The following TOR1B variants were observed in gnomAD, a reference collection of about 807,000 sequenced individuals.
TOR1B encodes the protein torsin family 1 member B.
Under a neutral mutation model 29.2 loss-of-function variants are expected in TOR1B, and 14 were observed. The observed-to-expected ratio is 0.48, with a 90% CI of 0.32 to 0.75. The LOEUF is 0.75. Ranked by LOEUF, TOR1B falls within the 30% of genes least tolerant of loss-of-function variation. The pLI is 0.04. For missense variants in TOR1B, 400 were observed against 433.9 expected (o/e 0.92, Z 0.69); for synonymous variants, 166 against 179.8 (o/e 0.92, Z 0.62).
chr9:129,808,994 A>G lies in TOR1B; in HGVS notation c.731A>G (p.Glu244Gly), dbSNP rs2030671972. 1 of 1,613,842 alleles carries G rather than the reference A, an allele frequency of 6.2e-7. No individual in the cohort carries two copies. The highest frequency in any genetic ancestry group is 1.3e-5 in the African/African-American group (1 of 74,894). ...GAAGACATTCAGCTGAAGGACCTGG[A>G]ACCTGTACTGTCTGTCGGAGTCTTC... ...KREDIQLKDLEPVLSVGVFNN... is the reference protein window; with the variant it reads ...KREDIQLKDLGPVLSVGVFNN... The change falls in exon 4 of 5, where the codon GAA becomes GGA. Residue 244 changes from glutamate to glycine, a missense_variant. Coordinates refer to ENST00000259339, the MANE Select transcript of TOR1B (RefSeq NM_014506.3).
chr9:129,804,478 A>G (rs1001037507), intron 2 of TOR1B, 140 bp downstream of exon 2: 2 of 1,072,302 alleles, frequency 1.9e-6, no homozygotes, highest in East Asian at 4.8e-5. Flanking sequence ...CACTTAGTCC[A>G]GGTAGTTACA....
chr9:129,804,296 G>C lies in TOR1B; in HGVS notation c.423G>C (p.Ser141=), dbSNP rs1249860238. The change falls in exon 2 of 5, where the codon TCG becomes TCC. Residue 141 remains serine, a synonymous_variant. Coordinates refer to ENST00000259339, the MANE Select transcript of TOR1B (RefSeq NM_014506.3). ...GTAACTTTGTCCACCTGTTTGTATCGACTCTGCACTTCCCTCATGAGCAGA... is the reference window on the plus strand; with the variant it reads ...GTAACTTTGTCCACCTGTTTGTATCCACTCTGCACTTCCCTCATGAGCAGA... ...LKSNFVHLFV[S]TLHFPHEQKI... The C allele has an allele frequency of 6.2e-7, 1 of 1,613,964 alleles. No individual in the cohort carries two copies. The highest frequency in any genetic ancestry group is 1.3e-5 in the African/African-American group (1 of 74,896).
chr9:129,806,795 G>A (rs529948791), intron 2 of TOR1B, among the ~76,000 whole-genome samples: 3 of 152,306 alleles, frequency 2.0e-5, no homozygotes, highest in African/African-American at 7.2e-5. Context: ...TGAGGCCGGG[G>A]AATCGCTTGA....
chr9:129,803,996 G>C, intron 1 of TOR1B, 77 bp from the exon 2 acceptor site: 1 of 1,576,936 alleles, frequency 6.3e-7, no homozygotes, highest in Admixed American at 1.7e-5. Context: ...TCTTGCTTTG[G>C]CCAGCTAAGA....
intron 1 of TOR1B, 59 bp downstream of exon 1, chr9:129,803,470 G>A: frequency 1.6e-6 from 2 of 1,254,524 alleles, no homozygotes; most frequent in Non-Finnish European, 1.0e-6. Flanking sequence ...GCGCGGGGGC[G>A]CGGAGGGACG....
At chr9:129,807,093 C>G in intron 2 of TOR1B, 95 bp from the exon 3 acceptor site, 2 of 1,258,920 alleles carry the variant, frequency 1.6e-6, no homozygotes, top group Non-Finnish European at 2.2e-6. Context: ...GCTCTGACCT[C>G]GTCCTTCAGT....
chr9:129,803,834 G>T (rs371899627), intron 1 of TOR1B, among the ~76,000 whole-genome samples: 33 of 152,266 alleles, frequency 2.2e-4, no homozygotes, highest in African/African-American at 7.9e-4. Context: ...TCAGTCAAGC[G>T]ATGGTTCATC....
intron 2 of TOR1B, chr9:129,804,548 G>A (rs2030361505): frequency 6.6e-6 from 4 of 601,752 alleles, no homozygotes; most frequent in Admixed American, 3.2e-5. Flanking sequence ...GGTAGGGGAT[G>A]TTATTTCCAT....
At chr9:129,803,951 C>A in intron 1 of TOR1B, 122 bp from the exon 2 acceptor site, 1 of 1,312,456 alleles carries the variant, frequency 7.6e-7, no homozygotes, top group East Asian at 2.3e-5. Flanking sequence ...TAGGGTGTGG[C>A]AGACACCCTG....
rs770997150 is a variant in TOR1B, at chr9:129,803,349, A to C, written c.137A>C (p.Tyr46Ser). The C allele has an allele frequency of 6.3e-7, 1 of 1,588,288 alleles. No individual in the cohort carries two copies. The highest frequency in any genetic ancestry group is 1.1e-5 in the South Asian group (1 of 88,390). ...AASAITGYLS[Y>S]NDIYCRFAEC... is the part of the protein sequence containing the mutation. Reference sequence around the variant, plus strand: ...TCGGCCATCACCGGCTACCTGTCCTACAATGACATCTACTGCCGCTTCGCC... The same window carrying C: ...TCGGCCATCACCGGCTACCTGTCCTCCAATGACATCTACTGCCGCTTCGCC... Residue 46 changes from tyrosine to serine, a missense_variant, in exon 1 of 5, where the codon TAC (tyrosine) becomes TCC (serine). Transcript: ENST00000259339.
At chr9:129,804,545 G>T in intron 2 of TOR1B, 2 of 614,998 alleles carry the variant, frequency 3.3e-6, no homozygotes, top group Non-Finnish European at 5.4e-6. Flanking sequence ...TGGGGTAGGG[G>T]ATGTTATTTC....
chr9:129,810,263 G>A lies in TOR1B; in HGVS notation c.*680G>A, dbSNP rs1464154608. 7.7e-7 allele frequency: 1 copy of A among 1,304,014 alleles called. No individual in the cohort carries two copies. The highest frequency in any genetic ancestry group is 5.6e-5 in the East Asian group (1 of 18,010). The allele number at this position is 1,304,014 out of a possible 1,614,324, so 80.8% of individuals were successfully genotyped here. On this transcript the variant is annotated 3_prime_UTR_variant, in exon 5 of 5. Transcript: ENST00000259339. ...TTGAAGTATACTCAGTTAAAATCGG[G>A]GCTGGAGGTGCAGACGGTGTCTGAC...
At position 129,809,014 on chromosome 9, in the gene TOR1B, G is replaced by A; in HGVS notation, c.751G>A (p.Val251Ile). 3.7e-6 allele frequency: 6 copies of A among 1,611,912 alleles called. No homozygotes were observed. Among genetic ancestry groups the A allele is most frequent in the Non-Finnish European group, 5.1e-6 (6 of 1,179,542 alleles). The change falls in exon 4 of 5, where the codon GTC becomes ATC. Residue 251 changes from valine (V) to isoleucine (I), a missense_variant. Physicochemically the swap from Val to Ile is conservative, Grantham distance 29. Coordinates refer to ENST00000259339, the MANE Select transcript of TOR1B (RefSeq NM_014506.3). ...KDLEPVLSVG[V>I]FNNKHSGLWH... is the part of the protein sequence containing the mutation. ...CCTGGAACCTGTACTGTCTGTCGGAGTCTTCAATAATAAACACAGTGAGTC... is the reference window on the plus strand; with the variant it reads ...CCTGGAACCTGTACTGTCTGTCGGAATCTTCAATAATAAACACAGTGAGTC...
Position 129,810,158 on chromosome 9 carries a change from G to C in TOR1B, c.*575G>C. The C allele has an allele frequency of 2.3e-6, 3 of 1,303,966 alleles. No individual in the cohort carries two copies. The highest frequency in any genetic ancestry group is 3.0e-6 in the Non-Finnish European group (3 of 988,764). The allele number at this position is 1,303,966 out of a possible 1,614,324, so 80.8% of individuals were successfully genotyped here. On this transcript the variant is annotated 3_prime_UTR_variant, in exon 5 of 5. Coordinates refer to ENST00000259339, the MANE Select transcript of TOR1B (RefSeq NM_014506.3). Reference sequence around the variant, plus strand: ...GGGGGGCACTGGGTGGTTCTCACCAGCAGGCTGCGGGGCACTGTGTTCTCA... The same window carrying C: ...GGGGGGCACTGGGTGGTTCTCACCACCAGGCTGCGGGGCACTGTGTTCTCA...
In TOR1B at chr9:129,810,317, C is replaced by G. The variant is rs1329482012; in HGVS notation, c.*734C>G. ...AGGATGTGGCCGTGCCCGCCGAGCACTCTTGATCTGAGCTGACCTGTGTGT... is the reference window on the plus strand; with the variant it reads ...AGGATGTGGCCGTGCCCGCCGAGCAGTCTTGATCTGAGCTGACCTGTGTGT... On this transcript the variant is annotated 3_prime_UTR_variant, in exon 5 of 5. Coordinates refer to ENST00000259339, the MANE Select transcript of TOR1B (RefSeq NM_014506.3). 1.5e-6 allele frequency: 2 copies of G among 1,293,548 alleles called. No homozygotes were observed. Among genetic ancestry groups the G allele is most frequent in the African/African-American group, 3.2e-5 (2 of 62,932 alleles). 80.1% of individuals were successfully genotyped at this position (1,293,548 alleles called of 1,614,324 possible). A position where few individuals can be genotyped will look rare whatever the true frequency, so the allele number is the denominator to read the frequency against.
chr9:129,804,921 G>A (rs1444851252), intron 2 of TOR1B, among the ~76,000 whole-genome samples: 1 of 146,482 alleles, frequency 6.8e-6, no homozygotes, highest in African/African-American at 2.6e-5. Flanking sequence ...GGCGGATCAC[G>A]AGGTCAGGAG....
chr9:129,809,580 C>A lies in TOR1B; in HGVS notation c.1008C>A (p.His336Gln). The change falls in exon 5 of 5, where the codon CAC becomes CAA. Residue 336 changes from histidine (H) to glutamine (Q), a missense_variant. Transcript: ENST00000259339. ...CKTVQSRLDF[H>Q] ...CTGTGCAGTCGCGGCTGGATTTCCACTGAGCTCCTATCCAGATGGGGTAGG... is the reference window on the plus strand; with the variant it reads ...CTGTGCAGTCGCGGCTGGATTTCCAATGAGCTCCTATCCAGATGGGGTAGG... 15 of 1,614,212 alleles carry A rather than the reference C, an allele frequency of 9.3e-6. No homozygotes were observed. Among genetic ancestry groups the A allele is most frequent in the Non-Finnish European group, 1.3e-5 (15 of 1,180,034 alleles).
At chr9:129,806,915 G>A (rs186984035) in intron 2 of TOR1B, among the ~76,000 whole-genome samples, 2 of 152,214 alleles carry the variant, frequency 1.3e-5, no homozygotes, top group Admixed American at 6.5e-5. Flanking sequence ...AAAGAATCAC[G>A]GATCTTGTAC....
rs754333031 is a variant in TOR1B at position 129,803,263 on chromosome 9, G to A, written c.51G>A (p.Leu17=). 2 of 1,559,044 alleles carry A rather than the reference G, an allele frequency of 1.3e-6. No homozygotes were observed. The highest frequency in any genetic ancestry group is 2.3e-5 in the South Asian group (2 of 86,102). ...LRGAAALALL[L]AARVVAAFEP... Reference sequence around the variant, plus strand: ...GCGCGGCGGCGCTGGCGCTGCTGCTGGCGGCCCGAGTGGTGGCGGCGTTCG... The same window carrying A: ...GCGCGGCGGCGCTGGCGCTGCTGCTAGCGGCCCGAGTGGTGGCGGCGTTCG... Residue 17 remains leucine (L), a synonymous_variant, in exon 1 of 5, where the codon CTG becomes CTA. Coordinates refer to ENST00000259339, the MANE Select transcript of TOR1B (RefSeq NM_014506.3).
Sources: allele counts gnomAD v4.1 joint callset (sites outside exome capture counted in the v4.1 genomes callset), GRCh38; gene constraint gnomAD v4.1.1; transcripts MANE v1.5; gene names NCBI Gene and HGNC (gene_info 2026-07-23, HGNC 2026-07-21).